Variants in UNC5D observed in about 807,000 individuals in gnomAD.
UNC5D encodes netrin receptor UNC5D.
UNC5D carries 39 observed loss-of-function variants against 105.4 expected under a neutral mutation model. The observed-to-expected ratio is 0.37, with a 90% CI of 0.29 to 0.48. The LOEUF (loss-of-function observed/expected upper bound fraction) is 0.48, where lower values mean the gene tolerates loss of function less well. Ranked by LOEUF, UNC5D falls within the 20% of genes least tolerant of loss-of-function variation. UNC5D has a pLI of 0.98. For missense variants in UNC5D, 991 were observed against 1,202.4 expected, an observed-to-expected ratio of 0.82 and a Z score of 2.60; for synonymous variants, 452 against 450.4, an observed-to-expected ratio of 1.00 and a Z score of -0.04.
At chr8:35,541,773 A>T (rs909081162) in intron 1 of UNC5D, among the ~76,000 whole-genome samples, 19 of 152,196 alleles carry the variant, frequency 1.2e-4, no homozygotes, top group African/African-American at 4.6e-4. Flanking sequence ...GCAGAAAGTA[A>T]ATATGTCTTA....
intron 2 of UNC5D, among the ~76,000 whole-genome samples, chr8:35,551,914 G>T (rs1008147113): frequency 6.6e-6 from 1 of 152,072 alleles, no homozygotes; most frequent in Non-Finnish European, 1.5e-5. Context: ...AAAAAGATAT[G>T]TAGGTAAAAC....
intron 1 of UNC5D, among the ~76,000 whole-genome samples, chr8:35,273,886 C>G (rs2950915): frequency 0.82 from 125,349 of 152,172 alleles, 52,017 homozygotes; most frequent in East Asian, 1. Flanking sequence ...TTATTTATAA[C>G]CCTGGGAGAA....
chr8:35,405,372 T>C (rs1804739444), intron 1 of UNC5D, among the ~76,000 whole-genome samples: 1 of 152,210 alleles, frequency 6.6e-6, no homozygotes, highest in African/African-American at 2.4e-5. Flanking sequence ...TGAAATTCCA[T>C]AGACTGAATA....
chr8:35,303,424 A>G (rs952427229), intron 1 of UNC5D, among the ~76,000 whole-genome samples: 1 of 152,198 alleles, frequency 6.6e-6, no homozygotes, highest in African/African-American at 2.4e-5. Context: ...CATGGCTAAT[A>G]CATGGCTAAT....
chr8:35,689,246 A>G (rs1826230544), intron 7 of UNC5D, among the ~76,000 whole-genome samples: 1 of 152,248 alleles, frequency 6.6e-6, no homozygotes, highest in Admixed American at 6.5e-5. Flanking sequence ...TTAATGTAAG[A>G]AAGAATTGTT....
At chr8:35,763,222 A>AT (rs904648055) in intron 14 of UNC5D, among the ~76,000 whole-genome samples, 68 of 152,272 alleles carry the variant, frequency 4.5e-4, no homozygotes, top group African/African-American at 1.5e-3. Context: ...TTAAAATCAG[A>AT]TTTTTTAAAA....
chr8:35,787,730 A>C (rs1403856175), intron 16 of UNC5D, among the ~76,000 whole-genome samples: 2 of 151,998 alleles, frequency 1.3e-5, no homozygotes, highest in African/African-American at 4.8e-5. Context: ...TGATCCTCCT[A>C]CTGGAACCTC....
chr8:35,652,851 ACTT>A (rs1373696010), intron 4 of UNC5D, among the ~76,000 whole-genome samples: 2 of 136,540 alleles, frequency 1.5e-5, no homozygotes, highest in South Asian at 2.3e-4. Flanking sequence ...GACCTGAACT[ACTT>A]CTTCTCCAAC....
At chr8:35,595,746 T>G in intron 4 of UNC5D, 89 bp downstream of exon 4, 1 of 1,142,944 alleles carries the variant, frequency 8.7e-7, no homozygotes, top group South Asian at 1.3e-5. Context: ...GGAAGGGAAG[T>G]AAAGGAGCCC....
At chr8:35,526,628 C>T (rs1386667914) in intron 1 of UNC5D, among the ~76,000 whole-genome samples, 2 of 151,836 alleles carry the variant, frequency 1.3e-5, no homozygotes, top group Non-Finnish European at 2.9e-5. Flanking sequence ...AAAATTATTT[C>T]CAAGCACTTT....
intron 1 of UNC5D, among the ~76,000 whole-genome samples, chr8:35,289,357 T>A (rs908141754): frequency 6.6e-6 from 1 of 152,136 alleles, no homozygotes; most frequent in Non-Finnish European, 1.5e-5. Flanking sequence ...GAAATACATA[T>A]AGAAATTATT....
intron 1 of UNC5D, among the ~76,000 whole-genome samples, chr8:35,397,921 T>C (rs924458275): frequency 6.6e-6 from 1 of 152,208 alleles, no homozygotes; most frequent in African/African-American, 2.4e-5. Context: ...GTCCAGATTA[T>C]GACATTAGGT....
At chr8:35,415,286 C>T (rs369987743) in intron 1 of UNC5D, among the ~76,000 whole-genome samples, 8 of 152,058 alleles carry the variant, frequency 5.3e-5, no homozygotes, top group African/African-American at 9.7e-5. Context: ...ACTCAAGTCA[C>T]CCCACATGAA....
At chr8:35,495,486 A>G (rs965865651) in intron 1 of UNC5D, among the ~76,000 whole-genome samples, 2 of 151,522 alleles carry the variant, frequency 1.3e-5, no homozygotes, top group African/African-American at 4.8e-5. Flanking sequence ...AAAAAAGCAA[A>G]AAAATCTCAT....
chr8:35,491,094 T>G, intron 1 of UNC5D, among the ~76,000 whole-genome samples: 1 of 152,176 alleles, frequency 6.6e-6, no homozygotes, highest in Admixed American at 6.5e-5. Context: ...GCTGCTTTAA[T>G]ATTACTTATT....
At chr8:35,739,853 C>T (rs1829668678) in intron 11 of UNC5D, among the ~76,000 whole-genome samples, 1 of 152,200 alleles carries the variant, frequency 6.6e-6, no homozygotes, top group South Asian at 2.1e-4. Context: ...CACACAGAGA[C>T]AGCTCCCACG....
At chr8:35,519,520 G>T (rs1266419996) in intron 1 of UNC5D, among the ~76,000 whole-genome samples, 2 of 151,972 alleles carry the variant, frequency 1.3e-5, no homozygotes, top group African/African-American at 2.4e-5. Flanking sequence ...GGCTATATAG[G>T]TATTTATTTA....
intron 8 of UNC5D, among the ~76,000 whole-genome samples, chr8:35,709,086 A>T (rs1827779287): frequency 6.6e-6 from 1 of 151,790 alleles, no homozygotes; most frequent in Non-Finnish European, 1.5e-5. Flanking sequence ...ACTAGATCTC[A>T]AAAGTTCATC....
intron 1 of UNC5D, among the ~76,000 whole-genome samples, chr8:35,382,571 C>G (rs543453927): frequency 4.6e-5 from 7 of 152,232 alleles, no homozygotes; most frequent in African/African-American, 1.7e-4. Context: ...AGTTTACTGG[C>G]TAAAGTACTT....
Sources: allele counts gnomAD v4.1 joint callset (sites outside exome capture counted in the v4.1 genomes callset), GRCh38; gene constraint gnomAD v4.1.1; transcripts MANE v1.5; gene names NCBI Gene and HGNC (gene_info 2026-07-23, HGNC 2026-07-21).